The following E2F2 variants were observed in gnomAD, a reference collection of about 807,000 sequenced individuals.
The protein encoded by E2F2 is transcription factor E2F2.
In E2F2, 22 loss-of-function variants were observed where a neutral mutation model predicts 42.2. That is an observed-to-expected ratio of 0.52 (90% CI 0.37 to 0.74). The LOEUF is 0.74. Among genes scored for constraint, E2F2 ranks in the 30% least tolerant of loss-of-function variants. The pLI is 0.00. For missense variants in E2F2, 481 were observed against 557.8 expected (o/e 0.86, Z 1.39); for synonymous variants, 248 against 251.6 (o/e 0.99, Z 0.13).
chr1:23,524,843 C>A (rs983118057), intron 1 of E2F2, among the ~76,000 whole-genome samples: 18 of 152,198 alleles, frequency 1.2e-4, no homozygotes, highest in Non-Finnish European at 2.6e-4. Context: ...AGGATGATAC[C>A]AGGAGGAAGC....
rs1252303922 is a variant in E2F2 at position 23,516,459 on chromosome 1, C to T, written c.921G>A (p.Val307=). 6 of 1,610,188 alleles carry T rather than the reference C, an allele frequency of 3.7e-6. No homozygotes were observed. Among genetic ancestry groups the T allele is most frequent in the Non-Finnish European group, 4.2e-6 (5 of 1,178,274 alleles). The part of the protein sequence containing the change: ...PIEVYLCPEE[V]QEPDSPSEEP... ...CCTCGGAAGGACTGTCCGGCTCCTGCACCTCCTCTGGGCACAGGTAGACTT... is the reference window on the plus strand; with the variant it reads ...CCTCGGAAGGACTGTCCGGCTCCTGTACCTCCTCTGGGCACAGGTAGACTT... The change falls in exon 6 of 7, where the codon GTG becomes GTA. Residue 307 remains valine (V), a synonymous_variant. Coordinates refer to ENST00000361729, the MANE Select transcript of E2F2 (RefSeq NM_004091.4).
rs1643335774 is a variant in E2F2 at position 23,531,178 on chromosome 1, G to C, written c.-385C>G. On this transcript the variant is annotated 5_prime_UTR_variant, in exon 1 of 7. Coordinates refer to ENST00000361729, the MANE Select transcript of E2F2 (RefSeq NM_004091.4). ...GCGATGCGCTGGGATGGGGAGGGGG[G>C]TCTCGACTGCACCGACTTCCTTGCG... 8.8e-6 allele frequency: 2 copies of C among 226,688 alleles called. No homozygotes were observed. The highest frequency in any genetic ancestry group is 3.3e-4 in the South Asian group (2 of 6,056). 14.0% of individuals were successfully genotyped at this position (226,688 alleles called of 1,614,324 possible).
Position 23,531,016 on chromosome 1 carries a change from T to TGGTGGC in E2F2, c.-229_-224dup. 2.0e-6 allele frequency: 1 copy of TGGTGGC among 489,158 alleles called. No homozygotes were observed. Among genetic ancestry groups the TGGTGGC allele is most frequent in the South Asian group, 5.1e-5 (1 of 19,728 alleles). The allele number at this position is 489,158 out of a possible 1,614,324, so 30.3% of individuals were successfully genotyped here. A position where few individuals can be genotyped will look rare whatever the true frequency, so the allele number is the denominator to read the frequency against. ...CTTGGAGATCGCCCGGCGGCTGCGG[T>TGGTGGC]GGTGGCACTGCCAGGGGCTGTCTCG... On this transcript the variant is annotated 5_prime_UTR_variant, in exon 1 of 7. Coordinates refer to ENST00000361729, the MANE Select transcript of E2F2 (RefSeq NM_004091.4).
intron 1 of E2F2, among the ~76,000 whole-genome samples, chr1:23,526,946 G>A (rs1164105257): frequency 1.3e-5 from 2 of 152,278 alleles, no homozygotes; most frequent in African/African-American, 4.8e-5. Context: ...AATGCGGCAA[G>A]TGTCCCCCTA....
intron 5 of E2F2, among the ~76,000 whole-genome samples, chr1:23,518,424 T>C (rs1643069100): frequency 6.6e-6 from 1 of 151,922 alleles, no homozygotes; most frequent in African/African-American, 2.4e-5. Flanking sequence ...TCAGCCAAGA[T>C]TGTGTCACTG....
In E2F2 at chr1:23,524,422, C is replaced by T. The variant is rs1292031937; in HGVS notation, c.319G>A (p.Gly107Arg). The change falls in exon 2 of 7, where the codon GGG (glycine) becomes AGG (arginine). Residue 107 changes from glycine (G) to arginine (R), a missense_variant. Coordinates refer to ENST00000361729, the MANE Select transcript of E2F2 (RefSeq NM_004091.4). ...PVVPEFPTPKGKCIRVDGLPS... is the reference protein window; with the variant it reads ...PVVPEFPTPKRKCIRVDGLPS... ...AGGCCATCCACTCTGATGCACTTCCCCTTGGGGGTTGGGAACTCAGGGACG... is the reference window on the plus strand; with the variant it reads ...AGGCCATCCACTCTGATGCACTTCCTCTTGGGGGTTGGGAACTCAGGGACG... 9.3e-6 allele frequency: 15 copies of T among 1,613,932 alleles called. No homozygotes were observed. The highest frequency in any genetic ancestry group is 1.3e-5 in the Non-Finnish European group (15 of 1,179,920).
chr1:23,515,894 G>T (rs1438339581), intron 6 of E2F2, among the ~76,000 whole-genome samples: 2 of 152,070 alleles, frequency 1.3e-5, no homozygotes, highest in African/African-American at 2.4e-5. Context: ...TAGAGACAGG[G>T]TATCCCTATG....
chr1:23,505,508 AG>A (rs1245213684), downstream of E2F2, among the ~76,000 whole-genome samples: 1 of 150,416 alleles, frequency 6.6e-6, no homozygotes, highest in Non-Finnish European at 1.5e-5. Context: ...AGCAGGTCTG[AG>A]GCAAGGTCTC....
intron 4 of E2F2, among the ~76,000 whole-genome samples, chr1:23,520,286 C>T (rs200588497): frequency 7.2e-6 from 1 of 139,618 alleles, no homozygotes; most frequent in East Asian, 2.0e-4. Context: ...AAGCTATGTT[C>T]AGCAGGCACA....
chr1:23,518,522 T>C (rs3218178), intron 5 of E2F2, among the ~76,000 whole-genome samples: 2,146 of 151,976 alleles, frequency 0.014, 48 homozygotes, highest in African/African-American at 0.047. Flanking sequence ...GAAGATCTCA[T>C]ACTAGGAATG....
In E2F2 at chr1:23,521,824, C is replaced by T. The variant is rs764260856; in HGVS notation, c.578+13G>A. On this transcript the variant is annotated intron_variant, in intron 3 of 6. Coordinates refer to ENST00000361729, the MANE Select transcript of E2F2 (RefSeq NM_004091.4). ...ACCCATTGGAGGGTACCACTGGCCG[C>T]CCAGGCACTCACACCCACTGGATGT... is the stretch of plus-strand genomic sequence containing the variant. 1.2e-6 allele frequency: 2 copies of T among 1,613,350 alleles called. No homozygotes were observed. The highest frequency in any genetic ancestry group is 1.7e-6 in the Non-Finnish European group (2 of 1,179,886).
chr1:23,524,344 G>GCCCCA (rs781158540), intron 2 of E2F2, 39 bp downstream of exon 2: 3 of 1,448,628 alleles, frequency 2.1e-6, no homozygotes, highest in Non-Finnish European at 2.8e-6. Context: ...CTCTGCCCCT[G>GCCCCA]CCCCACCCCA....
chr1:23,514,082 C>T (rs1040791784), intron 6 of E2F2, among the ~76,000 whole-genome samples: 1 of 151,678 alleles, frequency 6.6e-6, no homozygotes, highest in Admixed American at 6.6e-5. Flanking sequence ...CAAGATTGTG[C>T]CACTGCACTC....
intron 1 of E2F2, among the ~76,000 whole-genome samples, chr1:23,529,968 A>G (rs1643311172): frequency 6.6e-6 from 1 of 152,226 alleles, no homozygotes; most frequent in Non-Finnish European, 1.5e-5. Context: ...GGGGCTGCCC[A>G]CATTTGTATC....
chr1:23,520,488 A>G (rs1643119178), intron 4 of E2F2, among the ~76,000 whole-genome samples: 1 of 152,134 alleles, frequency 6.6e-6, no homozygotes, highest in African/African-American at 2.4e-5. Context: ...TCATGCCTGT[A>G]ATCTCAGCAC....
chr1:23,521,547 C>G (rs964527983), intron 3 of E2F2: 8 of 985,272 alleles, frequency 8.1e-6, no homozygotes, highest in Middle Eastern at 1.0e-3. Context: ...GAGGAAGAAT[C>G]TGAGGTTCCC....
intron 1 of E2F2, among the ~76,000 whole-genome samples, chr1:23,525,617 G>A (rs1367550295): frequency 3.3e-5 from 5 of 152,278 alleles, no homozygotes; most frequent in African/African-American, 7.2e-5. Flanking sequence ...ATTAATCCCC[G>A]CGTGGCTTCC....
At position 23,524,500 on chromosome 1, in the gene E2F2, G is replaced by A. The variant is rs3218152; in HGVS notation, c.253-12C>T. 99 of 1,611,560 alleles carry A rather than the reference G, an allele frequency of 6.1e-5. No homozygotes were observed. In the East Asian group the frequency reaches 1.4e-3, roughly 23 times the overall value. On this transcript the variant is annotated splice_polypyrimidine_tract_variant and intron_variant, in intron 1 of 6. Transcript: ENST00000361729. ...AGCTTCCTTTTGGCCTTGGAGAAAAGGGGGAGAGAGAGGCAGAGTTTGAGA... is the reference window on the plus strand; with the variant it reads ...AGCTTCCTTTTGGCCTTGGAGAAAAAGGGGAGAGAGAGGCAGAGTTTGAGA...
At chr1:23,517,577 G>C (rs1643048862) in intron 5 of E2F2, among the ~76,000 whole-genome samples, 1 of 152,188 alleles carries the variant, frequency 6.6e-6, no homozygotes, top group African/African-American at 2.4e-5. Flanking sequence ...ATTATTTCTT[G>C]AGTCCTTATA....
Sources: allele counts gnomAD v4.1 joint callset (sites outside exome capture counted in the v4.1 genomes callset), GRCh38; gene constraint gnomAD v4.1.1; transcripts MANE v1.5; gene names NCBI Gene and HGNC (gene_info 2026-07-23, HGNC 2026-07-21).